Variants in ZNF385D observed in about 807,000 individuals in gnomAD.
ZNF385D encodes zinc finger protein 659.
A neutral mutation model predicts 35.8 loss-of-function variants in ZNF385D; 15 were observed. The ratio of observed to expected loss-of-function variants is 0.42; its 90% CI spans 0.28 to 0.64. ZNF385D has a LOEUF of 0.64. Among genes scored for constraint, ZNF385D ranks in the 30% least tolerant of loss-of-function variants. The pLI, the probability that ZNF385D is intolerant of heterozygous loss-of-function variation, is 0.23. For missense variants in ZNF385D, 474 were observed against 494.6 expected (o/e 0.96, Z 0.39); for synonymous variants, 212 against 186.8 (o/e 1.13, Z -1.10).
chr3:22,095,157 A>C (rs1201983049), intron 3 of ZNF385D, among the ~76,000 whole-genome samples: 1 of 146,106 alleles, frequency 6.8e-6, no homozygotes, highest in African/African-American at 2.5e-5. Context: ...AAACTCTAAA[A>C]CTCCTGGCCT....
At chr3:21,536,482 A>C (rs1454265392) in intron 3 of ZNF385D, among the ~76,000 whole-genome samples, 1 of 152,066 alleles carries the variant, frequency 6.6e-6, no homozygotes, top group Non-Finnish European at 1.5e-5. Flanking sequence ...CAGTTTGGGG[A>C]GGGCTGAAAT....
At chr3:22,364,487 C>G (rs1238632576) in intron 2 of ZNF385D, among the ~76,000 whole-genome samples, 1 of 151,928 alleles carries the variant, frequency 6.6e-6, no homozygotes, top group Non-Finnish European at 1.5e-5. Context: ...GGCTAACGAG[C>G]ACATGAAAAG....
chr3:21,894,060 G>T (rs892803652), intron 3 of ZNF385D, among the ~76,000 whole-genome samples: 1 of 152,124 alleles, frequency 6.6e-6, no homozygotes, highest in East Asian at 1.9e-4. Context: ...TCTCGAGGCA[G>T]TTAGATACAT....
At position 22,344,177 on chromosome 3, in the gene ZNF385D, G is replaced by GGTGTGTGTGTGTGTGTGT. The variant is rs571896117; in HGVS notation, c.106+28255_106+28272dup. Among the ~76,000 whole-genome samples the GGTGTGTGTGTGTGTGTGT allele has an allele frequency of 5.2e-4, 73 of 140,846 alleles. 1 individual carries two copies. Among genetic ancestry groups the GGTGTGTGTGTGTGTGTGT allele is most frequent in the African/African-American group, 1.4e-3 (53 of 37,084 alleles). The allele number at this position is 140,846 out of a possible 152,430, so 92.4% of individuals were successfully genotyped here. Reference sequence around the variant, plus strand: ...TAGGCACATGGGTAGGGTGGGGTGGGGTGTGTGTGTGTGTGTGTGTGTGTG... The same window carrying GGTGTGTGTGTGTGTGTGT: ...TAGGCACATGGGTAGGGTGGGGTGGGGTGTGTGTGTGTGTGTGTGTGTGTGTGTGTGTGTGTGTGTGTG... On this transcript the variant is annotated intron_variant, in intron 2 of 5. Transcript: ENST00000494108.
At chr3:21,846,514 T>G (rs988210532) in intron 3 of ZNF385D, among the ~76,000 whole-genome samples, 4 of 152,022 alleles carry the variant, frequency 2.6e-5, no homozygotes, top group African/African-American at 9.7e-5. Flanking sequence ...TTAGGGCTTT[T>G]TGCCATAGCT....
chr3:22,099,921 G>A (rs928951835), intron 3 of ZNF385D, among the ~76,000 whole-genome samples: 2 of 54,774 alleles, frequency 3.7e-5, no homozygotes, highest in Non-Finnish European at 1.0e-4. Context: ...TATCAAAAAT[G>A]TCAGGATTAA....
chr3:21,768,108 G>C lies in ZNF385D; in HGVS notation c.326-103080C>G, dbSNP rs147819609. 2.3e-3 allele frequency among the ~76,000 whole-genome samples: 344 copies of C among 152,164 alleles called. 1 individual carries two copies. Among genetic ancestry groups the C allele is most frequent in the African/African-American group, 7.5e-3 (313 of 41,530 alleles). ...TATTAGGAGATAACTTAGTGGGATA[G>C]AGACACAAATGAATGCACTAAATGA... On this transcript the variant is annotated intron_variant, in intron 3 of 5. Transcript: ENST00000494108.
In ZNF385D at chr3:21,862,658, A is replaced by G. The variant is rs182178240; in HGVS notation, c.326-197630T>C. ...GAGCTAACTGAATTAGAGAGAACCA[A>G]TGGGCCTGGGAGGCCATCATCCTGC... On this transcript the variant is annotated intron_variant, in intron 3 of 5. Coordinates refer to the ZNF385D transcript ENST00000494108. Among the ~76,000 whole-genome samples the G allele has an allele frequency of 6.8e-4, 103 of 152,236 alleles. 1 individual carries two copies. Among genetic ancestry groups the G allele is most frequent in the South Asian group, 4.6e-3 (22 of 4,824 alleles).
Position 22,173,679 on chromosome 3 carries a change from T to C in ZNF385D, c.107-4644A>G, listed in dbSNP as rs1694621327. 2.0e-5 allele frequency among the ~76,000 whole-genome samples: 3 copies of C among 152,286 alleles called. No individual in the cohort carries two copies. In the South Asian group the frequency reaches 6.2e-4, roughly 32 times the overall value. ...TGAGGGAAACATTCACTGCTTCATG[T>C]GCGGTCCACCATCGGATGGCTCTTT... On this transcript the variant is annotated intron_variant, in intron 2 of 5. Coordinates refer to the ZNF385D transcript ENST00000494108.
At chr3:22,350,566 T>G (rs1695869693) in intron 2 of ZNF385D, among the ~76,000 whole-genome samples, 2 of 152,148 alleles carry the variant, frequency 1.3e-5, no homozygotes, top group Non-Finnish European at 2.9e-5. Context: ...TCAATTAATA[T>G]TTGTTGAAGA....
chr3:22,295,075 G>T (rs1702498584), intron 2 of ZNF385D, among the ~76,000 whole-genome samples: 1 of 151,910 alleles, frequency 6.6e-6, no homozygotes, highest in Non-Finnish European at 1.5e-5. Context: ...TATTATTGGT[G>T]GGAAAATTCC....
intron 3 of ZNF385D, among the ~76,000 whole-genome samples, chr3:21,937,457 A>C (rs1021915057): frequency 2.0e-5 from 3 of 152,202 alleles, no homozygotes; most frequent in African/African-American, 7.2e-5. Context: ...TTATGCTAGA[A>C]GTATTCTAGC....
intron 3 of ZNF385D, among the ~76,000 whole-genome samples, chr3:22,079,573 G>A (rs1196236666): frequency 6.6e-6 from 1 of 151,920 alleles, no homozygotes; most frequent in Non-Finnish European, 1.5e-5. Context: ...ATTTCGCAAA[G>A]CAGGTCAGAG....
intron 3 of ZNF385D, among the ~76,000 whole-genome samples, chr3:21,929,254 A>G (rs1700887434): frequency 6.6e-6 from 1 of 152,118 alleles, no homozygotes; most frequent in African/African-American, 2.4e-5. Context: ...GCATTTGACA[A>G]AATATTATAC....
In ZNF385D at chr3:22,085,956, C is replaced by T. The variant is rs570897345; in HGVS notation, c.325+82861G>A. The stretch of plus-strand genomic sequence containing the variant: ...TAAACACAACCAATGATAGAAACCA[C>T]GATTATCTCAATAGATGCAGAAAAG... On this transcript the variant is annotated intron_variant, in intron 3 of 5. Transcript: ENST00000494108. Among the ~76,000 whole-genome samples, 5 of 151,824 alleles carry T rather than the reference C, an allele frequency of 3.3e-5. 1 individual carries two copies. The South Asian group carries it at 6.2e-4, about 19-fold the overall frequency.
intron 2 of ZNF385D, among the ~76,000 whole-genome samples, chr3:21,583,856 C>G (rs1293362558): frequency 6.6e-6 from 1 of 150,888 alleles, no homozygotes; most frequent in African/African-American, 2.4e-5. Context: ...GAATCAGGAT[C>G]TCAAATTCCC....
rs201123217 is a variant in ZNF385D at position 21,624,624 on chromosome 3, C to CT, written c.165+40261dup. 7.6e-3 allele frequency among the ~76,000 whole-genome samples: 1,154 copies of CT among 152,028 alleles called. 12 individuals are homozygous for CT. Among genetic ancestry groups the CT allele is most frequent in the African/African-American group, 0.025 (1,020 of 41,498 alleles). The stretch of plus-strand genomic sequence containing the variant: ...CTGGCTTCCCAACTTTCCAGAGAAA[C>CT]TTTGAGTGCCTACCTAGAACTTAGG... On this transcript the variant is annotated intron_variant, in intron 2 of 7. Coordinates refer to ENST00000281523, the MANE Select transcript of ZNF385D (RefSeq NM_024697.3).
intron 2 of ZNF385D, among the ~76,000 whole-genome samples, chr3:22,223,105 G>C (rs979000397): frequency 6.6e-6 from 1 of 152,010 alleles, no homozygotes. Context: ...TTTAATGTAA[G>C]AACTATGATA....
At chr3:21,926,379 C>T (rs1196191517) in intron 3 of ZNF385D, among the ~76,000 whole-genome samples, 1 of 152,078 alleles carries the variant, frequency 6.6e-6, no homozygotes, top group African/African-American at 2.4e-5. Flanking sequence ...TGAGAACATG[C>T]AGTGTTTGGT....
Sources: gnomAD v4.1 joint callset for allele counts (sites outside exome capture counted in the v4.1 genomes callset) on GRCh38, gnomAD v4.1.1 for gene constraint, MANE v1.5 for transcripts, NCBI Gene and HGNC (gene_info 2026-07-23, HGNC 2026-07-21) for gene names.